PGBD2: variants seen among roughly 807,000 people sequenced by gnomAD.
PGBD2 encodes piggyBac transposable element derived 2, also known as piggyBac transposable element-derived protein 2.
In PGBD2, 6 loss-of-function variants were observed where a neutral mutation model predicts 8.1. The ratio of observed to expected loss-of-function variants is 0.74; its 90% CI spans 0.40 to 1.46. The LOEUF (loss-of-function observed/expected upper bound fraction) is 1.46. Ranked by LOEUF, PGBD2 falls within the 40% of genes most tolerant of loss-of-function variation. The pLI is 0.02. For synonymous variants in PGBD2, 318 were observed against 272.2 expected (o/e 1.17, Z -1.66); for missense variants, 802 against 739.0 (o/e 1.09, Z -0.99).
the PGBD2 span, among the ~76,000 whole-genome samples, chr1:248,874,250 C>A: frequency 6.6e-6 from 1 of 152,152 alleles, no homozygotes; most frequent in Non-Finnish European, 1.5e-5. Flanking sequence ...TCATGTCTTC[C>A]CTGGTGGTCT....
At chr1:248,905,954 T>G (rs1430105575), upstream of PGBD2, among the ~76,000 whole-genome samples, 2 of 152,108 alleles carry the variant, frequency 1.3e-5, no homozygotes, top group African/African-American at 4.8e-5. Flanking sequence ...GGGGCACATT[T>G]GAGAACCACT....
the PGBD2 span, among the ~76,000 whole-genome samples, chr1:248,887,063 C>T: frequency 6.6e-6 from 1 of 152,018 alleles, no homozygotes; most frequent in Non-Finnish European, 1.5e-5. Flanking sequence ...CACACATAAG[C>T]TTACTATTTA....
At chr1:248,895,156 G>A in the PGBD2 span, among the ~76,000 whole-genome samples, 1 of 152,116 alleles carries the variant, frequency 6.6e-6, no homozygotes, top group African/African-American at 2.4e-5. Context: ...CATTGAACCT[G>A]AGAGTGGTCT....
chr1:248,889,326 A>G, the PGBD2 span, among the ~76,000 whole-genome samples: 1 of 151,520 alleles, frequency 6.6e-6, no homozygotes, highest in Admixed American at 6.6e-5. Flanking sequence ...CAGAGATTGC[A>G]GTGAGCCAAG....
chr1:248,877,714 T>C, the PGBD2 span, among the ~76,000 whole-genome samples: 1 of 152,254 alleles, frequency 6.6e-6, no homozygotes, highest in Non-Finnish European at 1.5e-5. Context: ...GCAGTCATTA[T>C]CTTGAGAAAG....
upstream of PGBD2, among the ~76,000 whole-genome samples, chr1:248,902,158 A>G (rs988551091): frequency 1.3e-5 from 2 of 152,024 alleles, no homozygotes; most frequent in African/African-American, 4.8e-5. Flanking sequence ...AGTCCTAGCT[A>G]CTTGGGAGGC....
chr1:248,881,636 AC>A, the PGBD2 span, among the ~76,000 whole-genome samples: 1 of 152,308 alleles, frequency 6.6e-6, no homozygotes, highest in Non-Finnish European at 1.5e-5. Context: ...TTTAGTTGAG[AC>A]TTTATTTAAA....
intron 1 of PGBD2, among the ~76,000 whole-genome samples, chr1:248,909,045 A>T (rs1661768084): frequency 6.6e-6 from 1 of 152,232 alleles, no homozygotes; most frequent in Non-Finnish European, 1.5e-5. Context: ...CCCAGTAGAT[A>T]CTTCAGATGT....
the PGBD2 span, among the ~76,000 whole-genome samples, chr1:248,925,756 T>G: frequency 6.6e-6 from 1 of 152,060 alleles, no homozygotes; most frequent in South Asian, 2.1e-4. Flanking sequence ...GAATTGGAGC[T>G]AAGAGGAAAC....
the PGBD2 span, among the ~76,000 whole-genome samples, chr1:248,892,689 C>T: frequency 6.6e-6 from 1 of 152,084 alleles, no homozygotes; most frequent in Non-Finnish European, 1.5e-5. Flanking sequence ...ACCTCTAAGC[C>T]CTTGGAATAT....
chr1:248,883,390 G>A, the PGBD2 span, among the ~76,000 whole-genome samples: 1 of 152,036 alleles, frequency 6.6e-6, no homozygotes, highest in East Asian at 1.9e-4. Flanking sequence ...CCAAAGTGCT[G>A]GGATTACAGG....
At chr1:248,911,494 C>T (rs187907920) in intron 1 of PGBD2, among the ~76,000 whole-genome samples, 1,749 of 147,238 alleles carry the variant, frequency 0.012, 90 homozygotes, top group African/African-American at 0.044. Flanking sequence ...CAGAACAAAA[C>T]GAAAAGTCTC....
At chr1:248,876,280 T>A in the PGBD2 span, among the ~76,000 whole-genome samples, 2 of 152,188 alleles carry the variant, frequency 1.3e-5, no homozygotes, top group African/African-American at 4.8e-5. Flanking sequence ...AGTGCTAGGA[T>A]TACAGGCGTG....
chr1:248,913,117 T>A (rs1661971047), intron 1 of PGBD2, among the ~76,000 whole-genome samples: 1 of 152,098 alleles, frequency 6.6e-6, no homozygotes, highest in East Asian at 1.9e-4. Context: ...ACTCAGATTT[T>A]ATAAAAAGAA....
chr1:248,906,871 G>A (rs1183347214), intron 1 of PGBD2, among the ~76,000 whole-genome samples: 1 of 152,290 alleles, frequency 6.6e-6, no homozygotes, highest in Non-Finnish European at 1.5e-5. Flanking sequence ...GAAGAGAAGG[G>A]AGGGTTCTTC....
At chr1:248,892,273 C>CCCTTCCTT in the PGBD2 span, among the ~76,000 whole-genome samples, 222 of 127,388 alleles carry the variant, frequency 1.7e-3, 6 homozygotes, top group Middle Eastern at 7.8e-3. Context: ...CTCCCTCCCT[C>CCCTTCCTT]CCTTCCTTCC....
At chr1:248,897,269 G>T in the PGBD2 span, among the ~76,000 whole-genome samples, 1 of 150,110 alleles carries the variant, frequency 6.7e-6, no homozygotes, top group Admixed American at 6.6e-5. Flanking sequence ...CTTTAAGAAA[G>T]TTCTAAGTTG....
rs1290132048 is a variant in PGBD2 at position 248,917,387 on chromosome 1, T to G, written c.803T>G (p.Phe268Cys). The change falls in exon 3 of 3, where the codon TTT becomes TGT. Residue 268 changes from phenylalanine to cysteine, a missense_variant. Transcript: ENST00000329291. ...GCACCCTTGGAAGAGTTCTACAGCT[T>G]TGGCGAGTCTATGTGTGAGTACTTT... is the stretch of plus-strand genomic sequence containing the variant. ...KHAPLEEFYS[F>C]GESMCEYFGH... 1 of 1,614,112 alleles carries G rather than the reference T, an allele frequency of 6.2e-7. No homozygotes were observed. Among genetic ancestry groups the G allele is most frequent in the Non-Finnish European group, 8.5e-7 (1 of 1,180,006 alleles).
At chr1:248,875,329 GAAAAGAAA>G in the PGBD2 span, among the ~76,000 whole-genome samples, 1 of 121,606 alleles carries the variant, frequency 8.2e-6, no homozygotes, top group Non-Finnish European at 1.8e-5. Flanking sequence ...AAAAAAAAAA[GAAAAGAAA>G]AAAAGAAAGA....
Sources: allele counts gnomAD v4.1 joint callset (sites outside exome capture counted in the v4.1 genomes callset), GRCh38; gene constraint gnomAD v4.1.1; transcripts MANE v1.5; gene names NCBI Gene and HGNC (gene_info 2026-07-23, HGNC 2026-07-21).